Variants in EXD3 observed in about 807,000 individuals in gnomAD.
The protein encoded by EXD3 is exonuclease mut-7 homolog.
In EXD3, 92 loss-of-function variants were observed where a neutral mutation model predicts 98.0. The ratio of observed to expected loss-of-function variants is 0.94; its 90% CI spans 0.79 to 1.12. EXD3 has a LOEUF of 1.12. Ranked by LOEUF, EXD3 falls within the 50% of genes most tolerant of loss-of-function variation. EXD3 has a pLI of 0.00. For missense variants in EXD3, 1,222 were observed against 1,191.6 expected (o/e 1.03, Z -0.38); for synonymous variants, 569 against 526.0 (o/e 1.08, Z -1.12).
intron 1 of EXD3, among the ~76,000 whole-genome samples, chr9:137,413,311 C>G (rs1838088844): frequency 6.6e-6 from 1 of 152,076 alleles, no homozygotes; most frequent in South Asian, 2.1e-4. Flanking sequence ...CGCCATTCTC[C>G]TGCCTCAGCC....
At chr9:137,352,982 T>C in intron 10 of EXD3, 196 bp from the exon 11 acceptor site, 1 of 1,399,448 alleles carries the variant, frequency 7.1e-7, no homozygotes, top group Non-Finnish European at 9.2e-7. Context: ...GCGGCTGAGA[T>C]AGAGGTGCTG....
rs537064110 is a variant in EXD3 at position 137,403,976 on chromosome 9, G to A, written c.-47-8572C>T. Among the ~76,000 whole-genome samples, 5 of 151,942 alleles carry A rather than the reference G, an allele frequency of 3.3e-5. No individual in the cohort carries two copies. The highest frequency in any genetic ancestry group is 4.8e-5 in the African/African-American group (2 of 41,338). The stretch of plus-strand genomic sequence containing the variant: ...CCGTACAAAGCACCACACACAGGGC[G>A]CGAGTGACAGGGACGTGTGTCCTCA... On this transcript the variant is annotated intron_variant, in intron 1 of 21. Coordinates refer to ENST00000340951, the MANE Select transcript of EXD3 (RefSeq NM_017820.5). The surrounding 1 kb of genome is among the most constrained non-coding windows in gnomAD (Gnocchi z 6.1).
chr9:137,413,737 A>G (rs1170082278), intron 1 of EXD3, among the ~76,000 whole-genome samples: 2 of 151,626 alleles, frequency 1.3e-5, no homozygotes, highest in Non-Finnish European at 2.9e-5. Context: ...TCCTGACCTC[A>G]CGTGATCCAC....
intron 19 of EXD3, among the ~76,000 whole-genome samples, chr9:137,318,133 GT>G (rs1326069918): frequency 6.6e-6 from 1 of 152,190 alleles, no homozygotes; most frequent in Admixed American, 6.5e-5. Context: ...TGAAGCCCCT[GT>G]CCACGGCAGG....
intron 1 of EXD3, among the ~76,000 whole-genome samples, chr9:137,406,512 G>C (rs1357649148): frequency 6.6e-6 from 1 of 151,780 alleles, no homozygotes; most frequent in African/African-American, 2.4e-5. Context: ...CAGAGGCGAC[G>C]GCTGCTCTTG....
At chr9:137,412,308 G>A (rs1838040751) in intron 1 of EXD3, among the ~76,000 whole-genome samples, 2 of 152,226 alleles carry the variant, frequency 1.3e-5, no homozygotes, top group African/African-American at 4.8e-5. Flanking sequence ...CGTGATTAGA[G>A]AAGGGTCAAT....
chr9:137,332,275 C>A (rs1046445641), intron 17 of EXD3, among the ~76,000 whole-genome samples: 4 of 152,192 alleles, frequency 2.6e-5, no homozygotes, highest in African/African-American at 4.8e-5. Flanking sequence ...GCCTGAATAG[C>A]CAAAGCAGTC....
chr9:137,306,984 C>A lies in EXD3; in HGVS notation c.2597G>T (p.Ser866Ile). The A allele has an allele frequency of 6.2e-7, 1 of 1,601,082 alleles. No individual in the cohort carries two copies. Among genetic ancestry groups the A allele is most frequent in the Non-Finnish European group, 8.5e-7 (1 of 1,173,122 alleles). ...ACTGCTGGCCGGGCTGGGGGCTGGG[C>A]TCGGCTCGCAGGGGCTGGGGGCGCT... ...LESAPSPCEP[S>I]PAPSPASSPF The change falls in exon 22 of 22, where the codon AGC becomes ATC. Residue 866 changes from serine to isoleucine, a missense_variant. Coordinates refer to ENST00000340951, the MANE Select transcript of EXD3 (RefSeq NM_017820.5).
chr9:137,352,495 TTTG>T (rs1022784078), intron 11 of EXD3, 122 bp downstream of exon 11: 5 of 1,067,694 alleles, frequency 4.7e-6, no homozygotes, highest in African/African-American at 1.6e-5. Context: ...AGCTGCGCTC[TTTG>T]TTTTGTCTTG....
intron 5 of EXD3, among the ~76,000 whole-genome samples, chr9:137,370,405 G>T (rs530610450): frequency 1.2e-4 from 19 of 152,186 alleles, no homozygotes; most frequent in African/African-American, 4.6e-4. Flanking sequence ...TGGACCCCGT[G>T]GGAGGAACGA....
chr9:137,344,156 G>A (rs1833806080), intron 17 of EXD3, among the ~76,000 whole-genome samples: 1 of 152,010 alleles, frequency 6.6e-6, no homozygotes, highest in African/African-American at 2.4e-5. Context: ...CTCTGAAAGT[G>A]CTGGGATTAC....
rs1286496006 is a variant in EXD3 at position 137,385,167 on chromosome 9, C to G, written c.56-1790G>C. Among the ~76,000 whole-genome samples, 1 of 152,214 alleles carries G rather than the reference C, an allele frequency of 6.6e-6. No homozygotes were observed. Among genetic ancestry groups the G allele is most frequent in the Non-Finnish European group, 1.5e-5 (1 of 68,040 alleles). The stretch of plus-strand genomic sequence containing the variant: ...ATGGCGTCTCTGCAGCCACCTGGGC[C>G]TGGGTGGCACAGGCCAGTGTTCCCG... On this transcript the variant is annotated intron_variant, in intron 2 of 21. Transcript: ENST00000340951. The surrounding 1 kb of genome is among the most constrained non-coding windows in gnomAD (Gnocchi z 4.4).
chr9:137,374,522 G>C (rs553606006), intron 3 of EXD3: 1 of 982,296 alleles, frequency 1.0e-6, no homozygotes. Context: ...CACTTGCTCC[G>C]GCGATTTGAA....
At chr9:137,351,247 G>A in intron 13 of EXD3, 71 bp downstream of exon 13, 1 of 1,547,740 alleles carries the variant, frequency 6.5e-7, no homozygotes, top group South Asian at 1.2e-5. Flanking sequence ...GGCACACGGA[G>A]GGAAGGGTCA....
In EXD3 at chr9:137,347,363, T is replaced by G. The variant is rs1016704910; in HGVS notation, c.1998+708A>C. On this transcript the variant is annotated intron_variant, in intron 17 of 21. Transcript: ENST00000340951. This position sits in a 1 kb window ranked among gnomAD's most constrained non-coding sequence, Gnocchi z 4.2. ...TGGACTGAGGTTTCCTTGTGCGGCG[T>G]CCTCCATCTTCAAGCCAACAATGGG... 2.0e-5 allele frequency among the ~76,000 whole-genome samples: 3 copies of G among 152,046 alleles called. No homozygotes were observed. Among genetic ancestry groups the G allele is most frequent in the Non-Finnish European group, 4.4e-5 (3 of 68,008 alleles).
rs185854275 is a variant in EXD3, at chr9:137,365,592, C to T, written c.656+901G>A. 424 of 151,016 alleles carry T rather than the reference C, an allele frequency of 2.8e-3. 4 individuals carry two copies. The highest frequency in any genetic ancestry group is 8.9e-3 in the African/African-American group (288 of 32,526). 9.4% of individuals were successfully genotyped at this position (151,016 alleles called of 1,614,324 possible). A position where few individuals can be genotyped will look rare whatever the true frequency, so the allele number is the denominator to read the frequency against. Reference sequence around the variant, plus strand: ...AACACAGTGCACACACAGGTACACACGCACACACATGCACACACACGCACA... The same window carrying T: ...AACACAGTGCACACACAGGTACACATGCACACACATGCACACACACGCACA... On this transcript the variant is annotated intron_variant, in intron 7 of 21. Transcript: ENST00000340951.
In EXD3 at chr9:137,407,778, C is replaced by T. The variant is rs1265282248; in HGVS notation, c.-47-12374G>A. Among the ~76,000 whole-genome samples, 1 of 151,284 alleles carries T rather than the reference C, an allele frequency of 6.6e-6. No homozygotes were observed. Among genetic ancestry groups the T allele is most frequent in the Non-Finnish European group, 1.5e-5 (1 of 67,804 alleles). ...CTTCCGTCACTGGAGCCCACGGGTC[C>T]ACAGGCATTCGAGGTCTTGGATGCG... is the stretch of plus-strand genomic sequence containing the variant. On this transcript the variant is annotated intron_variant, in intron 1 of 21. Transcript: ENST00000340951. The surrounding 1 kb of genome is among the most constrained non-coding windows in gnomAD (Gnocchi z 4.4).
Position 137,393,604 on chromosome 9 carries a change from G to A in EXD3, c.55+1699C>T, listed in dbSNP as rs1431474718. Among the ~76,000 whole-genome samples the A allele has an allele frequency of 2.0e-5, 3 of 152,210 alleles. No homozygotes were observed. The highest frequency in any genetic ancestry group is 7.2e-5 in the African/African-American group (3 of 41,448). On this transcript the variant is annotated intron_variant, in intron 2 of 21. Transcript: ENST00000340951. The surrounding 1 kb of genome is among the most constrained non-coding windows in gnomAD (Gnocchi z 4.6). ...CCCCCACAGCCCTCAGCACCCACTG[G>A]GACACAGAAGAGGAAGGCAGAGAGG... is the stretch of plus-strand genomic sequence containing the variant.
In EXD3 at chr9:137,403,865, G is replaced by C. The variant is rs1837590052; in HGVS notation, c.-47-8461C>G. On this transcript the variant is annotated intron_variant, in intron 1 of 21. Transcript: ENST00000340951. The surrounding 1 kb of genome is among the most constrained non-coding windows in gnomAD (Gnocchi z 6.1). ...AAATGAAGGGGAAGACAGACCTGTG[G>C]GATAGGGATGGGTCCCGAGGCGGGG... 6.6e-6 allele frequency among the ~76,000 whole-genome samples: 1 copy of C among 152,208 alleles called. No individual in the cohort carries two copies.
Sources: gnomAD v4.1 joint callset for allele counts (sites outside exome capture counted in the v4.1 genomes callset) on GRCh38, gnomAD v4.1.1 for gene constraint, Gnocchi (gnomAD v3.1) non-coding constraint, MANE v1.5 for transcripts, NCBI Gene and HGNC (gene_info 2026-07-23, HGNC 2026-07-21) for gene names.